Variants in ECE1 observed in about 807,000 individuals in gnomAD.
ECE1 encodes endothelin converting enzyme 1, also known as endothelin-converting enzyme 1.
Under a neutral mutation model 98.6 loss-of-function variants are expected in ECE1, and 35 were observed. That is an observed-to-expected ratio of 0.35 (90% CI 0.27 to 0.47). The LOEUF (loss-of-function observed/expected upper bound fraction) is 0.47. Ranked by LOEUF, ECE1 falls within the 20% of genes least tolerant of loss-of-function variation. The probability of loss-of-function intolerance (pLI) is 1.00; values close to 1 mark genes in which losing one functional copy is unlikely to be tolerated. For missense variants in ECE1, 814 were observed against 1,025.3 expected (o/e 0.79, Z 2.81); for synonymous variants, 394 against 407.1 (o/e 0.97, Z 0.39).
chr1:21,261,070 G>A lies in ECE1; in HGVS notation c.494-678C>T, dbSNP rs193026159. ...TGCCACCTGCTAAAGGCAATGCTCCGGTGGGTGCACCTGGTGAAGATGACC... is the reference window on the plus strand; with the variant it reads ...TGCCACCTGCTAAAGGCAATGCTCCAGTGGGTGCACCTGGTGAAGATGACC... On this transcript the variant is annotated intron_variant, in intron 4 of 18. Transcript: ENST00000374893. Among the ~76,000 whole-genome samples the A allele has an allele frequency of 2.3e-3, 357 of 152,270 alleles. 1 individual carries two copies. The highest frequency in any genetic ancestry group is 5.9e-3 in the Admixed American group (90 of 15,292).
At chr1:21,236,542 G>A (rs1289143009) in intron 12 of ECE1, among the ~76,000 whole-genome samples, 3 of 152,208 alleles carry the variant, frequency 2.0e-5, no homozygotes, top group East Asian at 1.9e-4. Context: ...CCAGCTGCTC[G>A]GGAGGCTGAG....
intron 1 of ECE1, among the ~76,000 whole-genome samples, chr1:21,337,439 C>T (rs1001518622): frequency 1.3e-5 from 2 of 152,212 alleles, no homozygotes; most frequent in African/African-American, 4.8e-5. Context: ...CACACGGGAA[C>T]TGTGGGAATG....
intron 14 of ECE1, among the ~76,000 whole-genome samples, chr1:21,231,586 C>T (rs1573938155): frequency 1.3e-5 from 2 of 152,184 alleles, no homozygotes; most frequent in East Asian, 3.8e-4. Flanking sequence ...AAGTGATCTA[C>T]CCGCCTTGGC....
intron 3 of ECE1, among the ~76,000 whole-genome samples, chr1:21,276,160 G>A (rs2098246900): frequency 6.6e-6 from 1 of 150,772 alleles, no homozygotes; most frequent in African/African-American, 2.4e-5. Flanking sequence ...TGAGTAGCTA[G>A]GATTACAGGC....
chr1:21,261,125 C>A (rs1197373649), intron 4 of ECE1, among the ~76,000 whole-genome samples: 1 of 152,176 alleles, frequency 6.6e-6, no homozygotes. Context: ...CACAAGGGAC[C>A]CACTATATAC....
At chr1:21,338,902 C>T (rs576800899) in intron 1 of ECE1, among the ~76,000 whole-genome samples, 1 of 150,842 alleles carries the variant, frequency 6.6e-6, no homozygotes, top group Non-Finnish European at 1.5e-5. Context: ...GCTGCTGCCC[C>T]AGGCCCACCC....
At chr1:21,297,134 G>C (rs1395961498) in intron 1 of ECE1, among the ~76,000 whole-genome samples, 1 of 152,256 alleles carries the variant, frequency 6.6e-6, no homozygotes, top group Non-Finnish European at 1.5e-5. Context: ...GCTGGCAGCA[G>C]GAGACTTGCC....
At chr1:21,303,128 C>T (rs1212038978) in intron 1 of ECE1, among the ~76,000 whole-genome samples, 1 of 152,230 alleles carries the variant, frequency 6.6e-6, no homozygotes, top group African/African-American at 2.4e-5. Flanking sequence ...TGGGCTCCAC[C>T]AACTGATAGC....
intron 2 of ECE1, among the ~76,000 whole-genome samples, chr1:21,284,202 G>C (rs1250201968): frequency 6.6e-6 from 1 of 152,232 alleles, no homozygotes; most frequent in Non-Finnish European, 1.5e-5. Flanking sequence ...TCACAGCATG[G>C]GGAGATGTGA....
At chr1:21,341,267 A>G (rs1205092083) in intron 1 of ECE1, among the ~76,000 whole-genome samples, 1 of 152,224 alleles carries the variant, frequency 6.6e-6, no homozygotes, top group African/African-American at 2.4e-5. Context: ...TCTCACTCAC[A>G]CTGACCACGG....
intron 4 of ECE1, among the ~76,000 whole-genome samples, chr1:21,265,108 GA>G (rs2098232218): frequency 6.6e-6 from 1 of 152,194 alleles, no homozygotes; most frequent in African/African-American, 2.4e-5. Context: ...CACAAGAAAA[GA>G]CTGTCTTATT....
At chr1:21,224,173 T>A (rs924197634) in intron 17 of ECE1, among the ~76,000 whole-genome samples, 4 of 152,114 alleles carry the variant, frequency 2.6e-5, no homozygotes, top group African/African-American at 9.7e-5. Context: ...CTCTTCCTCA[T>A]CATTTAGGTC....
Position 21,235,988 on chromosome 1 carries a change from AC to A in ECE1, c.1489-62del, listed in dbSNP as rs1553354416. 6.6e-7 allele frequency: 1 copy of A among 1,514,604 alleles called. No homozygotes were observed. Among genetic ancestry groups the A allele is most frequent in the Non-Finnish European group, 9.2e-7 (1 of 1,089,358 alleles). The allele number at this position is 1,514,604 out of a possible 1,614,324, so 93.8% of individuals were successfully genotyped here. A position where few individuals can be genotyped will look rare whatever the true frequency, so the allele number is the denominator to read the frequency against. ...AACATCGACCAGGCCAGCCTGAGCA[AC>A]TTGGGTGCTGGGCTCATAGTCTGGG... is the stretch of plus-strand genomic sequence containing the variant. On this transcript the variant is annotated intron_variant, in intron 12 of 18. Transcript: ENST00000374893. The surrounding 1 kb of genome is among the most constrained non-coding windows in gnomAD (Gnocchi z 4.2).
In ECE1 at chr1:21,233,529, C is replaced by A. The variant is rs371169212; in HGVS notation, c.1670+29G>T. 2 of 1,606,284 alleles carry A rather than the reference C, an allele frequency of 1.2e-6. No homozygotes were observed. Among genetic ancestry groups the A allele is most frequent in the African/African-American group, 1.3e-5 (1 of 74,714 alleles). ...CTTGCCCACAGGTGGGGAGCTGGCACCTTGCCGGCAGGGCCTGGGGGAACT... is the reference window on the plus strand; with the variant it reads ...CTTGCCCACAGGTGGGGAGCTGGCAACTTGCCGGCAGGGCCTGGGGGAACT... On this transcript the variant is annotated intron_variant, in intron 14 of 18. Coordinates refer to ENST00000374893, the MANE Select transcript of ECE1 (RefSeq NM_001397.3). The surrounding 1 kb of genome is among the most constrained non-coding windows in gnomAD (Gnocchi z 4.0).
intron 1 of ECE1, among the ~76,000 whole-genome samples, chr1:21,310,161 C>G (rs1027102738): frequency 3.9e-5 from 6 of 152,296 alleles, no homozygotes; most frequent in Admixed American, 1.3e-4. Context: ...GAGGGAGGAT[C>G]ATCAGGCAGG....
Position 21,279,533 on chromosome 1 carries a change from C to G in ECE1, c.139-201G>C. ...CCTGCTCAGCTGCTCGGATCTGCTC[C>G]CAAACATCAGAGAGTCAAGCAGCTC... is the stretch of plus-strand genomic sequence containing the variant. On this transcript the variant is annotated intron_variant, in intron 2 of 18. Transcript: ENST00000374893. The G allele has an allele frequency of 6.9e-7, 1 of 1,456,300 alleles. No homozygotes were observed. The highest frequency in any genetic ancestry group is 1.4e-5 in the South Asian group (1 of 69,034). The allele number at this position is 1,456,300 out of a possible 1,614,324, so 90.2% of individuals were successfully genotyped here.
At chr1:21,280,378 G>A (rs1380606905) in intron 2 of ECE1, among the ~76,000 whole-genome samples, 1 of 152,192 alleles carries the variant, frequency 6.6e-6, no homozygotes, top group Non-Finnish European at 1.5e-5. Flanking sequence ...ACAGACTGGG[G>A]TGGGCAGGGG....
chr1:21,225,387 C>A lies in ECE1; in HGVS notation c.1903G>T (p.Val635Leu), dbSNP rs1316358496. The A allele has an allele frequency of 1.9e-6, 3 of 1,614,242 alleles. No homozygotes were observed. The highest frequency in any genetic ancestry group is 2.5e-6 in the Non-Finnish European group (3 of 1,180,050). The change falls in exon 17 of 19, where the codon GTG (valine) becomes TTG (leucine). Residue 635 changes from valine (V) to leucine (L), a missense_variant. This residue lies in a region of ECE1 where 452 missense variants were observed against 567.3 expected (regional missense o/e 0.80). Coordinates refer to ENST00000374893, the MANE Select transcript of ECE1 (RefSeq NM_001397.3). This position sits in a 1 kb window ranked among gnomAD's most constrained non-coding sequence, Gnocchi z 5.3. The part of the protein sequence containing the change: ...NLRPWWKNSS[V>L]EAFKRQTECM... ...TCGGTCTGACGCTTGAAGGCCTCCA[C>A]GGATGAGTTCTTCCACCATGGCCGG...
In ECE1 at chr1:21,225,147, G is replaced by A. The variant is rs2098172300; in HGVS notation, c.2040+103C>T. The A allele has an allele frequency of 1.2e-5, 17 of 1,474,808 alleles. No individual in the cohort carries two copies. Among genetic ancestry groups the A allele is most frequent in the South Asian group, 7.2e-5 (6 of 82,916 alleles). The allele number at this position is 1,474,808 out of a possible 1,614,324, so 91.4% of individuals were successfully genotyped here. A position where few individuals can be genotyped will look rare whatever the true frequency, so the allele number is the denominator to read the frequency against. On this transcript the variant is annotated intron_variant, in intron 17 of 18. Transcript: ENST00000374893. The surrounding 1 kb of genome is among the most constrained non-coding windows in gnomAD (Gnocchi z 5.3). Reference sequence around the variant, plus strand: ...CAGAAGAGGAAACGGAAGCTCGCACGGCTGCTGCGCCTGCCCTGGTTGTCC... The same window carrying A: ...CAGAAGAGGAAACGGAAGCTCGCACAGCTGCTGCGCCTGCCCTGGTTGTCC...
Sources: allele counts gnomAD v4.1 joint callset (sites outside exome capture counted in the v4.1 genomes callset), GRCh38; gene constraint gnomAD v4.1.1; regional missense constraint gnomAD v4.1.1; non-coding constraint Gnocchi (gnomAD v3.1); transcripts MANE v1.5; gene names NCBI Gene and HGNC (gene_info 2026-07-23, HGNC 2026-07-21).